Variants in PIGK observed in about 807,000 individuals in gnomAD.
The protein encoded by PIGK is GPI-anchor transamidase.
PIGK carries 42 observed loss-of-function variants against 50.6 expected under a neutral mutation model. The ratio of observed to expected loss-of-function variants is 0.83; its 90% CI spans 0.65 to 1.07. The LOEUF (loss-of-function observed/expected upper bound fraction) is 1.07. PIGK is among the 50% of genes least tolerant of loss of function. The pLI, the probability that PIGK is intolerant of heterozygous loss-of-function variation, is 0.00. For missense variants in PIGK, 448 were observed against 488.7 expected (o/e 0.92, Z 0.78); for synonymous variants, 151 against 156.0 (o/e 0.97, Z 0.24).
chr1:77,129,736 A>C, intron 9 of PIGK: 2 of 670,652 alleles, frequency 3.0e-6, no homozygotes, highest in South Asian at 3.1e-5. Flanking sequence ...TAAATAAATA[A>C]ATATTTACTA....
intron 10 of PIGK, among the ~76,000 whole-genome samples, chr1:77,111,250 T>C (rs1415713082): frequency 6.6e-6 from 1 of 152,194 alleles, no homozygotes; most frequent in East Asian, 1.9e-4. Flanking sequence ...AGCCATCCTA[T>C]TACCGGGTAT....
At chr1:77,146,132 T>G (rs1654762153) in intron 9 of PIGK, among the ~76,000 whole-genome samples, 1 of 152,014 alleles carries the variant, frequency 6.6e-6, no homozygotes, top group Admixed American at 6.6e-5. Context: ...TATTTGGATG[T>G]CCATATGGAA....
At position 77,104,904 on chromosome 1, in the gene PIGK, G is replaced by C. The variant is rs148937742; in HGVS notation, c.1072-12414C>G. ...TGTTCTCTTAGTTCTGCTGTCTGTAGACAGCAGTGTGTTAGCAGCTCAGTT... is the reference window on the plus strand; with the variant it reads ...TGTTCTCTTAGTTCTGCTGTCTGTACACAGCAGTGTGTTAGCAGCTCAGTT... On this transcript the variant is annotated intron_variant, in intron 10 of 10. Transcript: ENST00000370812. Among the ~76,000 whole-genome samples the C allele has an allele frequency of 1.7e-3, 264 of 152,314 alleles. 9 individuals are homozygous for C. The East Asian group carries it at 0.048, about 28-fold the overall frequency.
intron 9 of PIGK, chr1:77,128,990 AG>A: frequency 1.6e-6 from 1 of 635,206 alleles, no homozygotes; most frequent in Non-Finnish European, 2.9e-6. Flanking sequence ...TTTGAATTTC[AG>A]TGTTGCACTA....
chr1:77,138,150 C>T (rs1018068901), intron 9 of PIGK, among the ~76,000 whole-genome samples: 1 of 152,062 alleles, frequency 6.6e-6, no homozygotes, highest in African/African-American at 2.4e-5. Context: ...TGTTATATGA[C>T]AAAAGTGAGG....
At chr1:77,096,303 A>AT (rs1444179324) in intron 10 of PIGK, among the ~76,000 whole-genome samples, 1 of 152,156 alleles carries the variant, frequency 6.6e-6, no homozygotes, top group East Asian at 1.9e-4. Context: ...CATGGCCCTA[A>AT]TTACCCATTC....
intron 10 of PIGK, among the ~76,000 whole-genome samples, chr1:77,118,440 C>T (rs888561623): frequency 6.6e-6 from 1 of 152,040 alleles, no homozygotes; most frequent in Admixed American, 6.6e-5. Flanking sequence ...GGGTTTCACT[C>T]TGTTGCCCAG....
At chr1:77,186,747 G>A (rs1655756958) in intron 3 of PIGK, among the ~76,000 whole-genome samples, 1 of 152,154 alleles carries the variant, frequency 6.6e-6, no homozygotes, top group Non-Finnish European at 1.5e-5. Flanking sequence ...TTACACAGGA[G>A]TTCAGCAACA....
chr1:77,157,522 A>C (rs74092434), intron 8 of PIGK, among the ~76,000 whole-genome samples: 2 of 152,212 alleles, frequency 1.3e-5, no homozygotes, highest in Admixed American at 1.3e-4. Context: ...CATGCCTTAC[A>C]TAAATTATAA....
At chr1:77,188,472 C>T (rs944978277) in intron 3 of PIGK, among the ~76,000 whole-genome samples, 1 of 152,198 alleles carries the variant, frequency 6.6e-6, no homozygotes, top group African/African-American at 2.4e-5. Context: ...AAAACCCTGT[C>T]TCCTGATAAG....
At chr1:77,129,898 C>T (rs1654328908) in intron 9 of PIGK, among the ~76,000 whole-genome samples, 1 of 151,760 alleles carries the variant, frequency 6.6e-6, no homozygotes, top group South Asian at 2.1e-4. Context: ...ATACTGCCAC[C>T]AGAAATGCAT....
intron 7 of PIGK, 50 bp from the exon 8 acceptor site, chr1:77,161,455 A>C (rs773293276): frequency 8.7e-7 from 1 of 1,155,690 alleles, no homozygotes. Context: ...TTATAACAAA[A>C]TGTTTTAAAT....
At chr1:77,197,476 G>T (rs1656062470) in intron 3 of PIGK, among the ~76,000 whole-genome samples, 1 of 152,156 alleles carries the variant, frequency 6.6e-6, no homozygotes, top group Non-Finnish European at 1.5e-5. Flanking sequence ...CCTCTGCCCT[G>T]TCTGATTTCT....
At chr1:77,124,066 G>C (rs1189857857) in intron 9 of PIGK, among the ~76,000 whole-genome samples, 2 of 151,864 alleles carry the variant, frequency 1.3e-5, no homozygotes, top group Non-Finnish European at 2.9e-5. Context: ...AGAGACCTTA[G>C]GAGAAATCAA....
chr1:77,099,668 T>G (rs977693248), intron 10 of PIGK, among the ~76,000 whole-genome samples: 2 of 152,198 alleles, frequency 1.3e-5, no homozygotes, highest in African/African-American at 4.8e-5. Context: ...TTAGACATTT[T>G]ACAATGATTT....
At chr1:77,194,770 G>A (rs1386689731) in intron 3 of PIGK, 1 of 354,874 alleles carries the variant, frequency 2.8e-6, no homozygotes, top group Non-Finnish European at 5.4e-6. Flanking sequence ...ATCTGCATAT[G>A]TACCTCCTGA....
At chr1:77,210,389 T>C in intron 2 of PIGK, 47 bp downstream of exon 2, 2 of 1,105,562 alleles carry the variant, frequency 1.8e-6, no homozygotes, top group South Asian at 1.8e-5. Context: ...ATTTCTCAGA[T>C]ACATATCTAA....
At chr1:77,127,016 A>G (rs1654248344) in intron 9 of PIGK, among the ~76,000 whole-genome samples, 1 of 152,144 alleles carries the variant, frequency 6.6e-6, no homozygotes, top group Admixed American at 6.5e-5. Context: ...ATTTTGCTTT[A>G]CTATTTTTTT....
chr1:77,219,198 G>C, intron 1 of PIGK, 112 bp downstream of exon 1: 1 of 810,512 alleles, frequency 1.2e-6, no homozygotes, highest in East Asian at 2.7e-5. Context: ...ACCCAGCCTG[G>C]GTCAGGGGCT....
Sources: gnomAD v4.1 joint callset for allele counts (sites outside exome capture counted in the v4.1 genomes callset) on GRCh38, gnomAD v4.1.1 for gene constraint, MANE v1.5 for transcripts, NCBI Gene and HGNC (gene_info 2026-07-23, HGNC 2026-07-21) for gene names.